TSC2: variants seen among roughly 807,000 people sequenced by gnomAD.
The protein encoded by TSC2 is TSC complex subunit 2.
Under a neutral mutation model 202.2 loss-of-function variants are expected in TSC2, and 29 were observed. The ratio of observed to expected loss-of-function variants is 0.14; its 90% CI spans 0.11 to 0.20. The LOEUF (loss-of-function observed/expected upper bound fraction) is 0.20. TSC2 is among the 10% of genes least tolerant of loss of function. The probability of loss-of-function intolerance (pLI) is 1.00; values close to 1 mark genes in which losing one functional copy is unlikely to be tolerated. For synonymous variants in TSC2, 1,349 were observed against 1,044.0 expected, an observed-to-expected ratio of 1.29 and a Z score of -5.63; for missense variants, 2,429 against 2,420.0, an observed-to-expected ratio of 1.00 and a Z score of -0.08.
chr16:2,055,021 G>C, intron 5 of TSC2: 1 of 361,262 alleles, frequency 2.8e-6, no homozygotes, highest in Non-Finnish European at 5.3e-6. Flanking sequence ...TGACGTGGCC[G>C]GCAGCCAAGT....
In TSC2 at chr16:2,054,474, C is replaced by T. The variant is rs376332051; in HGVS notation, c.481+34C>T. On this transcript the variant is annotated intron_variant, in intron 5 of 41. Coordinates refer to ENST00000219476, the MANE Select transcript of TSC2 (RefSeq NM_000548.5). ...CACCTTGGGTTGGAGGTTTCTCTGG[C>T]CTTGACGATCAAGTGTAACCTGGAT... 9 of 1,613,570 alleles carry T rather than the reference C, an allele frequency of 5.6e-6. No individual in the cohort carries two copies. The African/African-American group carries it at 1.2e-4, about 21-fold the overall frequency.
chr16:2,082,250 G>A (rs1172062740), intron 31 of TSC2, 186 bp from the exon 32 acceptor site: 2 of 670,016 alleles, frequency 3.0e-6, no homozygotes, highest in Non-Finnish European at 5.3e-6. Context: ...TTCACGGGAG[G>A]AGGGAGGCAC....
At position 2,074,503 on chromosome 16, in the gene TSC2, TCTG is replaced by T. The variant is rs980192552; in HGVS notation, c.2545+119_2545+121del. 2.2e-6 allele frequency: 3 copies of T among 1,341,820 alleles called. No individual in the cohort carries two copies. The African/African-American group carries it at 4.3e-5, about 19-fold the overall frequency. 83.1% of individuals were successfully genotyped at this position (1,341,820 alleles called of 1,614,324 possible). ...CTTGGGGAACCTGGGTGTCTCGCCT[TCTG>T]CTGCCTCAGGGCCTGGGCGTCTCTG... is the stretch of plus-strand genomic sequence containing the variant. On this transcript the variant is annotated intron_variant, in intron 22 of 41. Transcript: ENST00000219476.
chr16:2,078,862 T>C, intron 26 of TSC2, 170 bp from the exon 27 acceptor site: 4 of 798,510 alleles, frequency 5.0e-6, no homozygotes, highest in Admixed American at 2.0e-5. Context: ...TCTGGGACAA[T>C]GTGGTCCACG....
intron 7 of TSC2, 117 bp downstream of exon 7, chr16:2,056,361 C>CAGAGAGACCGAGCA: frequency 7.0e-7 from 1 of 1,431,180 alleles, no homozygotes; most frequent in Non-Finnish European, 9.6e-7. Context: ...GCAAGCTGCT[C>CAGAGAGACCGAGCA]GGTCTCTCTG....
chr16:2,076,554 C>T lies in TSC2; in HGVS notation c.2806C>T (p.Arg936Trp), dbSNP rs2151395746. The T allele has an allele frequency of 1.2e-6, 2 of 1,613,402 alleles. No homozygotes were observed. Among genetic ancestry groups the T allele is most frequent in the Non-Finnish European group, 1.7e-6 (2 of 1,179,964 alleles). ...DTPEKDSFRA[R>W]STSLNERPKS... Reference sequence around the variant, plus strand: ...CCCCGAGAAGGACAGCTTCAGGGCCCGGAGTACTAGTCTCAACGAGAGACC... The same window carrying T: ...CCCCGAGAAGGACAGCTTCAGGGCCTGGAGTACTAGTCTCAACGAGAGACC... The change falls in exon 25 of 42, where the codon CGG (arginine) becomes TGG (tryptophan). Residue 936 changes from arginine to tryptophan, a missense_variant. By Grantham distance (101) the Arg-to-Trp change is moderately radical. Transcript: ENST00000219476.
chr16:2,076,784 G>A (rs531879437), intron 25 of TSC2, 199 bp downstream of exon 25: 13 of 606,092 alleles, frequency 2.1e-5, no homozygotes, highest in Middle Eastern at 4.5e-4. Context: ...GCCTGGGTCC[G>A]GGCTGCGTGT....
chr16:2,048,182 C>T (rs2084591352), intron 1 of TSC2, 117 bp downstream of exon 1: 1 of 1,538,354 alleles, frequency 6.5e-7, no homozygotes, highest in South Asian at 1.2e-5. Context: ...AACCCGACTC[C>T]GGAGCTCCGA....
At chr16:2,048,122 A>G in intron 1 of TSC2, 57 bp downstream of exon 1, 1 of 1,497,372 alleles carries the variant, frequency 6.7e-7, no homozygotes, top group Non-Finnish European at 8.9e-7. Flanking sequence ...CGGCCTAGAG[A>G]GGCGGACCCC....
At chr16:2,087,378 A>G (rs1248164578) in intron 38 of TSC2, among the ~76,000 whole-genome samples, 2 of 151,672 alleles carry the variant, frequency 1.3e-5, no homozygotes, top group African/African-American at 4.8e-5. Flanking sequence ...CAAGGGCCCC[A>G]GGATGCTGAG....
Position 2,058,774 on chromosome 16 carries a change from G to T in TSC2, c.876G>T (p.Leu292=). Residue 292 remains leucine, a synonymous_variant, in exon 10 of 42, where the codon CTG becomes CTT. Coordinates refer to ENST00000219476, the MANE Select transcript of TSC2 (RefSeq NM_000548.5). ...CCTACATGGAGGACGCGCCCCTGCTGAGAGGAGCCGTGTTTTTTGTGGGCA... is the reference window on the plus strand; with the variant it reads ...CCTACATGGAGGACGCGCCCCTGCTTAGAGGAGCCGTGTTTTTTGTGGGCA... The part of the protein sequence containing the change: ...DRAYMEDAPL[L]RGAVFFVGMA... The T allele has an allele frequency of 6.3e-7, 1 of 1,590,264 alleles. No individual in the cohort carries two copies. Among genetic ancestry groups the T allele is most frequent in the South Asian group, 1.1e-5 (1 of 87,590 alleles).
chr16:2,061,468 G>C (rs1040122930), intron 11 of TSC2: 4 of 353,160 alleles, frequency 1.1e-5, no homozygotes, highest in Non-Finnish European at 2.2e-5. Context: ...AAAGAGGCTG[G>C]ACCTGGGAGA....
chr16:2,060,035 G>A (rs767660168), intron 10 of TSC2, among the ~76,000 whole-genome samples: 2 of 152,170 alleles, frequency 1.3e-5, no homozygotes, highest in Non-Finnish European at 2.9e-5. Context: ...AGGGGTGAAC[G>A]CTGCCTCGGG....
At position 2,048,632 on chromosome 16, in the gene TSC2, G is replaced by C. The variant is rs758239066; in HGVS notation, c.17G>C (p.Ser6Thr). 4 of 1,613,858 alleles carry C rather than the reference G, an allele frequency of 2.5e-6. No homozygotes were observed. In the South Asian group the frequency reaches 4.4e-5, roughly 18 times the overall value. Residue 6 changes from serine to threonine, a missense_variant, in exon 2 of 42, where the codon AGC becomes ACC. Physicochemically the swap from Ser to Thr is moderately conservative, Grantham distance 58. Coordinates refer to ENST00000219476, the MANE Select transcript of TSC2 (RefSeq NM_000548.5). Reference sequence around the variant, plus strand: ...TGGTCCACCATGGCCAAACCAACAAGCAAAGATTCAGGCTTGAAGGAGAAG... The same window carrying C: ...TGGTCCACCATGGCCAAACCAACAACCAAAGATTCAGGCTTGAAGGAGAAG... MAKPTSKDSGLKEKFK... is the reference protein window; with the variant it reads MAKPTTKDSGLKEKFK...
At chr16:2,048,446 T>G in intron 1 of TSC2, 141 bp from the exon 2 acceptor site, 5 of 1,097,062 alleles carry the variant, frequency 4.6e-6, no homozygotes, top group Non-Finnish European at 6.8e-6. Flanking sequence ...TCAGCTGGGC[T>G]GTAGTTGAGT....
rs1467252704 is a variant in TSC2 at position 2,075,826 on chromosome 16, G to T, written c.2573G>T (p.Arg858Met). Reference protein sequence around the residue: ...STLARLPHLYRNFAAEQYASV... With the variant: ...STLARLPHLYMNFAAEQYASV... The stretch of plus-strand genomic sequence containing the variant: ...CTGGCCAGGCTGCCGCACCTCTACA[G>T]GAACTTTGCCGCGGAGCAGTATGCC... The change falls in exon 23 of 42, where the codon AGG becomes ATG. Residue 858 changes from arginine (R) to methionine (M), a missense_variant. Physicochemically the swap from Arg to Met is moderately conservative, Grantham distance 91. Coordinates refer to ENST00000219476, the MANE Select transcript of TSC2 (RefSeq NM_000548.5). The T allele has an allele frequency of 6.2e-7, 1 of 1,613,026 alleles. No homozygotes were observed. The highest frequency in any genetic ancestry group is 1.7e-5 in the Admixed American group (1 of 60,020).
chr16:2,077,033 G>A (rs1481187638), intron 25 of TSC2, among the ~76,000 whole-genome samples: 1 of 152,316 alleles, frequency 6.6e-6, no homozygotes, highest in South Asian at 2.1e-4. Context: ...CCACCTTCCT[G>A]CCCGAGCTAT....
intron 11 of TSC2, 193 bp downstream of exon 11, chr16:2,061,006 C>T (rs1241631352): frequency 5.6e-6 from 4 of 715,734 alleles, no homozygotes; most frequent in African/African-American, 3.5e-5. Flanking sequence ...AGACGTGGTG[C>T]ATCGTTTAGG....
Position 2,047,989 on chromosome 16 carries a change from CCGGCGGCG to C in TSC2, c.-105_-98del. On this transcript the variant is annotated 5_prime_UTR_variant, in exon 1 of 42. Transcript: ENST00000219476. Reference sequence around the variant, plus strand: ...GCTACCGGAAGTGCGGGTCGCGCTTCCGGCGGCGTCCCGGGGCCAGGGGGGTGCGCCTT... The same window carrying C: ...GCTACCGGAAGTGCGGGTCGCGCTTCTCCCGGGGCCAGGGGGGTGCGCCTT... The C allele has an allele frequency of 6.6e-7, 1 of 1,511,570 alleles. No individual in the cohort carries two copies. Among genetic ancestry groups the C allele is most frequent in the South Asian group, 1.2e-5 (1 of 81,602 alleles). The allele number at this position is 1,511,570 out of a possible 1,614,324, so 93.6% of individuals were successfully genotyped here. A position where few individuals can be genotyped will look rare whatever the true frequency, so the allele number is the denominator to read the frequency against.
Sources: gnomAD v4.1 joint callset for allele counts (sites outside exome capture counted in the v4.1 genomes callset) on GRCh38, gnomAD v4.1.1 for gene constraint, MANE v1.5 for transcripts, NCBI Gene and HGNC (gene_info 2026-07-23, HGNC 2026-07-21) for gene names.